The following TGFA variants were observed in gnomAD, a reference collection of about 807,000 sequenced individuals.
TGFA encodes protransforming growth factor alpha.
A neutral mutation model predicts 21.7 loss-of-function variants in TGFA; 12 were observed. That is an observed-to-expected ratio of 0.55 (90% CI 0.35 to 0.90). TGFA has a LOEUF of 0.90. TGFA is among the 40% of genes least tolerant of loss of function. TGFA has a pLI of 0.01. For synonymous variants in TGFA, 79 were observed against 88.1 expected, an observed-to-expected ratio of 0.90 and a Z score of 0.58; for missense variants, 178 against 210.8, an observed-to-expected ratio of 0.84 and a Z score of 0.96.
intron 1 of TGFA, among the ~76,000 whole-genome samples, chr2:70,540,007 G>A (rs1673090989): frequency 1.3e-5 from 2 of 152,142 alleles, no homozygotes; most frequent in South Asian, 2.1e-4. Flanking sequence ...TCATGACCCG[G>A]CCCAATTCTT....
intron 2 of TGFA, among the ~76,000 whole-genome samples, chr2:70,483,454 A>C (rs1260223381): frequency 6.6e-6 from 1 of 152,204 alleles, no homozygotes; most frequent in Non-Finnish European, 1.5e-5. Context: ...TTGAAGTAAA[A>C]TTCATCTGTA....
rs557477962 is a variant in TGFA, at chr2:70,478,905, A to C, written c.95-13169T>G. 1.9e-4 allele frequency among the ~76,000 whole-genome samples: 29 copies of C among 152,276 alleles called. 1 individual carries two copies. The South Asian group carries it at 5.8e-3, about 30-fold the overall frequency. Reference sequence around the variant, plus strand: ...TTTAATTTGTTTACATTTTAAAAAAATTTAGTTTATTTTCTCAATTATCAA... The same window carrying C: ...TTTAATTTGTTTACATTTTAAAAAACTTTAGTTTATTTTCTCAATTATCAA... On this transcript the variant is annotated intron_variant, in intron 2 of 5. Transcript: ENST00000295400.
chr2:70,519,964 A>T (rs1672397859), intron 1 of TGFA, among the ~76,000 whole-genome samples: 2 of 152,322 alleles, frequency 1.3e-5, no homozygotes, highest in African/African-American at 4.8e-5. Flanking sequence ...TGGCTCTATT[A>T]TGTACCCTTG....
At chr2:70,511,724 G>T (rs1164793954) in intron 2 of TGFA, among the ~76,000 whole-genome samples, 1 of 152,158 alleles carries the variant, frequency 6.6e-6, no homozygotes, top group Non-Finnish European at 1.5e-5. Context: ...GGCACAGGGA[G>T]AAATTAGAAA....
intron 2 of TGFA, 52 bp from the exon 3 acceptor site, chr2:70,465,788 A>T (rs782320249): frequency 6.2e-7 from 1 of 1,605,560 alleles, no homozygotes; most frequent in Non-Finnish European, 8.5e-7. Flanking sequence ...TGACATGCAA[A>T]CCCCACACCT....
At chr2:70,466,176 A>G (rs1156334578) in intron 2 of TGFA, among the ~76,000 whole-genome samples, 6 of 152,196 alleles carry the variant, frequency 3.9e-5, no homozygotes, top group Non-Finnish European at 7.3e-5. Flanking sequence ...TAATGATGCA[A>G]AAAGGTGCTT....
chr2:70,451,878 A>G, intron 5 of TGFA: 2 of 638,940 alleles, frequency 3.1e-6, no homozygotes, highest in Admixed American at 2.8e-5. Context: ...CACATCGCTC[A>G]TGAGCCATCC....
At chr2:70,484,995 A>G (rs1324807520) in intron 2 of TGFA, among the ~76,000 whole-genome samples, 1 of 152,184 alleles carries the variant, frequency 6.6e-6, no homozygotes, top group Non-Finnish European at 1.5e-5. Flanking sequence ...TCACCCATTC[A>G]ACTCACTGCA....
At chr2:70,520,819 C>T (rs1553502138) in intron 1 of TGFA, among the ~76,000 whole-genome samples, 1 of 152,254 alleles carries the variant, frequency 6.6e-6, no homozygotes, top group Middle Eastern at 3.4e-3. Flanking sequence ...CTCCACCACT[C>T]TCCACAAGGC....
At chr2:70,466,161 A>G (rs1670553382) in intron 2 of TGFA, among the ~76,000 whole-genome samples, 1 of 152,236 alleles carries the variant, frequency 6.6e-6, no homozygotes, top group South Asian at 2.1e-4. Context: ...CAGAAGCAGA[A>G]GAGTTAATGA....
chr2:70,482,164 GACA>G (rs1378620075), intron 2 of TGFA, among the ~76,000 whole-genome samples: 5 of 151,572 alleles, frequency 3.3e-5, no homozygotes, highest in Non-Finnish European at 5.9e-5. Flanking sequence ...GAGTAATGGG[GACA>G]ACAACAACAA....
intron 2 of TGFA, among the ~76,000 whole-genome samples, chr2:70,502,401 A>G (rs1435586308): frequency 2.0e-5 from 3 of 151,746 alleles, no homozygotes; most frequent in Non-Finnish European, 2.9e-5. Context: ...GTGCAATGGC[A>G]TGATCTAGGC....
At chr2:70,453,350 G>A (rs1670121395) in intron 4 of TGFA, 23 bp from the exon 5 acceptor site, 1 of 1,607,126 alleles carries the variant, frequency 6.2e-7, no homozygotes, top group East Asian at 2.2e-5. Context: ...AGAGGACCCA[G>A]TCTGGGCAGG....
At chr2:70,541,769 A>G (rs535533670) in intron 1 of TGFA, among the ~76,000 whole-genome samples, 33 of 152,268 alleles carry the variant, frequency 2.2e-4, no homozygotes, top group African/African-American at 7.9e-4. Flanking sequence ...TGTGTGATCT[A>G]TGAGTTTACC....
Position 70,517,317 on chromosome 2 carries a change from G to A in TGFA, c.41-2405C>T, listed in dbSNP as rs548720832. On this transcript the variant is annotated intron_variant, in intron 1 of 5. Transcript: ENST00000295400. The stretch of plus-strand genomic sequence containing the variant: ...GCCCTGGGCTTCACTCTGCAATCTT[G>A]ATCCATGCCTAGCATCAGCTGAGGC... 2.6e-5 allele frequency among the ~76,000 whole-genome samples: 4 copies of A among 152,318 alleles called. No homozygotes were observed. In the South Asian group the frequency reaches 8.3e-4, roughly 32 times the overall value.
At chr2:70,517,174 TAA>T (rs1368456445) in intron 1 of TGFA, among the ~76,000 whole-genome samples, 1 of 152,232 alleles carries the variant, frequency 6.6e-6, no homozygotes, top group Non-Finnish European at 1.5e-5. Context: ...GGGAATGAAT[TAA>T]AGTTTGCAAA....
chr2:70,508,627 A>T (rs1195380624), intron 2 of TGFA, among the ~76,000 whole-genome samples: 1 of 152,240 alleles, frequency 6.6e-6, no homozygotes, highest in Admixed American at 6.5e-5. Context: ...ATGCCAATAT[A>T]TGAATCTATT....
intron 2 of TGFA, among the ~76,000 whole-genome samples, chr2:70,479,357 C>T (rs1222732060): frequency 6.6e-6 from 1 of 152,178 alleles, no homozygotes; most frequent in African/African-American, 2.4e-5. Flanking sequence ...ACCCCATAGG[C>T]CTCCCACCAC....
intron 1 of TGFA, among the ~76,000 whole-genome samples, chr2:70,531,520 A>G (rs1305834671): frequency 2.0e-5 from 3 of 152,258 alleles, no homozygotes; most frequent in African/African-American, 7.2e-5. Context: ...CCTCATTCTT[A>G]AGGAAAAGAG....
Sources: allele counts gnomAD v4.1 joint callset (sites outside exome capture counted in the v4.1 genomes callset), GRCh38; gene constraint gnomAD v4.1.1; transcripts MANE v1.5; gene names NCBI Gene and HGNC (gene_info 2026-07-23, HGNC 2026-07-21).